PSD3: variants seen among roughly 807,000 people sequenced by gnomAD.
PSD3 encodes PH and SEC7 domain-containing protein 3.
PSD3 carries 49 observed loss-of-function variants against 105.5 expected under a neutral mutation model. The observed-to-expected ratio is 0.46, with a 90% confidence interval of 0.37 to 0.59. PSD3 has a LOEUF of 0.59. PSD3 is among the 20% of genes least tolerant of loss of function. The pLI is 0.00. For synonymous variants in PSD3, 557 were observed against 457.8 expected (o/e 1.22, Z -2.77); for missense variants, 1,561 against 1,263.8 (o/e 1.24, Z -3.57).
intron 1 of PSD3, among the ~76,000 whole-genome samples, chr8:18,987,804 C>T (rs933360747): frequency 4.4e-4 from 67 of 152,136 alleles, no homozygotes; most frequent in African/African-American, 1.5e-3. Flanking sequence ...CAGAGCAAGA[C>T]CCTGTCTCAA....
Position 18,530,839 on chromosome 8 carries a change from A to G in PSD3, c.*4904T>C, listed in dbSNP as rs1799605387. The G allele has an allele frequency of 2.0e-5, 3 of 152,182 alleles. No individual in the cohort carries two copies. The South Asian group carries it at 6.2e-4, about 32-fold the overall frequency. The allele number at this position is 152,182 out of a possible 1,614,324, so 9.4% of individuals were successfully genotyped here. A position where few individuals can be genotyped will look rare whatever the true frequency, so the allele number is the denominator to read the frequency against. On this transcript the variant is annotated 3_prime_UTR_variant, in exon 16 of 16. Transcript: ENST00000327040. ...AAGCTCAAAGAATTTTCTAGCATAA[A>G]GTCTTATTAAAAATTTTAATCAAAA...
At position 18,752,168 on chromosome 8, in the gene PSD3, CCT is replaced by C. The variant is rs1805547276; in HGVS notation, c.2172+13279_2172+13280del. Among the ~76,000 whole-genome samples the C allele has an allele frequency of 4.6e-5, 7 of 151,806 alleles. 1 individual carries two copies. In the South Asian group the frequency reaches 1.5e-3, roughly 31 times the overall value. On this transcript the variant is annotated intron_variant, in intron 9 of 15. Transcript: ENST00000327040. ...TGAATATCTGATCATAGGTATAGCTCCTCTCTCTCAAAAAATAAAAAATTATG... is the reference window on the plus strand; with the variant it reads ...TGAATATCTGATCATAGGTATAGCTCCTCTCTCAAAAAATAAAAAATTATG...
chr8:18,991,841 G>C (rs563773440), intron 1 of PSD3, among the ~76,000 whole-genome samples: 2 of 152,156 alleles, frequency 1.3e-5, no homozygotes, highest in South Asian at 4.1e-4. Flanking sequence ...AATAATGGCT[G>C]TGCTTTTATT....
intron 4 of PSD3, among the ~76,000 whole-genome samples, chr8:18,835,275 T>C (rs184653104): frequency 8.0e-4 from 122 of 152,344 alleles, no homozygotes; most frequent in African/African-American, 2.9e-3. Flanking sequence ...ATAATTATAA[T>C]AAGACCACAA....
At chr8:18,575,040 C>G in intron 13 of PSD3, 88 bp downstream of exon 13, 2 of 1,374,996 alleles carry the variant, frequency 1.5e-6, no homozygotes, top group Non-Finnish European at 9.6e-7. Context: ...CAAAAAATTT[C>G]CCCTGCAGAG....
chr8:18,802,884 G>C (rs1015114381), intron 6 of PSD3, among the ~76,000 whole-genome samples: 1 of 152,174 alleles, frequency 6.6e-6, no homozygotes. Flanking sequence ...ATTTGAAAAG[G>C]TCAGAAAAAG....
chr8:18,795,238 C>G (rs1810070333), intron 8 of PSD3, among the ~76,000 whole-genome samples: 1 of 152,120 alleles, frequency 6.6e-6, no homozygotes, highest in Non-Finnish European at 1.5e-5. Context: ...AAGGTCGTGC[C>G]TGATCATTAA....
intron 11 of PSD3, among the ~76,000 whole-genome samples, chr8:18,614,913 G>GGT (rs1805545407): frequency 6.6e-6 from 1 of 151,914 alleles, no homozygotes; most frequent in Non-Finnish European, 1.5e-5. Context: ...TGAAATTACA[G>GGT]GTGTGAACCA....
chr8:18,901,017 G>A (rs549466750), intron 2 of PSD3, among the ~76,000 whole-genome samples: 8 of 151,906 alleles, frequency 5.3e-5, no homozygotes, highest in African/African-American at 1.2e-4. Flanking sequence ...TACATTTCTC[G>A]GGACTGCAAA....
chr8:18,550,245 G>A (rs533899987), intron 15 of PSD3, among the ~76,000 whole-genome samples: 1 of 152,320 alleles, frequency 6.6e-6, no homozygotes, highest in East Asian at 1.9e-4. Context: ...TACTAAAAAT[G>A]TGGCTCAAAG....
chr8:18,822,780 T>C lies in PSD3; in HGVS notation c.1635-17882A>G, dbSNP rs558141059. On this transcript the variant is annotated intron_variant, in intron 4 of 15. Transcript: ENST00000327040. Reference sequence around the variant, plus strand: ...TGAAATTCACCACGGAAAAGTCATATGCTGACCTCCCTAGTATATTAACCC... The same window carrying C: ...TGAAATTCACCACGGAAAAGTCATACGCTGACCTCCCTAGTATATTAACCC... Among the ~76,000 whole-genome samples the C allele has an allele frequency of 1.1e-4, 16 of 152,202 alleles. 1 individual carries two copies. The highest frequency in any genetic ancestry group is 7.9e-4 in the Admixed American group (12 of 15,280).
At chr8:18,738,361 G>A (rs1420663554) in intron 9 of PSD3, among the ~76,000 whole-genome samples, 1 of 151,958 alleles carries the variant, frequency 6.6e-6, no homozygotes, top group Non-Finnish European at 1.5e-5. Context: ...TATAAAATGG[G>A]AAGGTTCATC....
intron 9 of PSD3, among the ~76,000 whole-genome samples, chr8:18,737,463 T>TA (rs1459994700): frequency 1.3e-5 from 2 of 152,106 alleles, no homozygotes; most frequent in African/African-American, 4.8e-5. Context: ...AGGTGGGACT[T>TA]ACTTTTTTAA....
At chr8:18,655,027 A>G (rs114651906) in intron 10 of PSD3, among the ~76,000 whole-genome samples, 15 of 152,252 alleles carry the variant, frequency 9.9e-5, no homozygotes, top group African/African-American at 3.6e-4. Context: ...GTTACTTTTT[A>G]AAAGATAAAT....
intron 15 of PSD3, among the ~76,000 whole-genome samples, chr8:18,551,467 A>T (rs1473251752): frequency 2.0e-5 from 3 of 152,222 alleles, no homozygotes; most frequent in Admixed American, 6.5e-5. Context: ...TTTAAATGTC[A>T]CCAAGAATTA....
intron 1 of PSD3, among the ~76,000 whole-genome samples, chr8:18,982,685 G>C (rs1303492283): frequency 6.6e-6 from 1 of 152,204 alleles, no homozygotes; most frequent in Non-Finnish European, 1.5e-5. Flanking sequence ...CTGAAGAGCA[G>C]TGATATTCTG....
rs896886469 is a variant in PSD3 at position 18,570,837 on chromosome 8, T to A, written c.2784+1691A>T. Among the ~76,000 whole-genome samples the A allele has an allele frequency of 2.6e-5, 3 of 115,208 alleles. No individual in the cohort carries two copies. In the South Asian group the frequency reaches 8.7e-4, roughly 33 times the overall value. 75.6% of individuals were successfully genotyped at this position (115,208 alleles called of 152,430 possible). ...AAATGTGATCACATTACTGTCCTGC[T>A]TAAAACTATTATTATTATTATTATT... On this transcript the variant is annotated intron_variant, in intron 14 of 15. Transcript: ENST00000327040.
At chr8:18,897,138 A>C (rs1197967224) in intron 2 of PSD3, among the ~76,000 whole-genome samples, 1 of 152,074 alleles carries the variant, frequency 6.6e-6, no homozygotes, top group East Asian at 1.9e-4. Context: ...CAGCCATTCT[A>C]GCTAGGTTGA....
intron 4 of PSD3, among the ~76,000 whole-genome samples, chr8:18,845,600 C>G (rs1185237116): frequency 1.3e-5 from 2 of 152,204 alleles, no homozygotes; most frequent in African/African-American, 4.8e-5. Flanking sequence ...CTCCCTGCTG[C>G]TGACAGCAGG....
Sources: gnomAD v4.1 joint callset for allele counts (sites outside exome capture counted in the v4.1 genomes callset) on GRCh38, gnomAD v4.1.1 for gene constraint, MANE v1.5 for transcripts, NCBI Gene and HGNC (gene_info 2026-07-23, HGNC 2026-07-21) for gene names.